The following PTPRN2 variants were observed in gnomAD, a reference collection of about 807,000 sequenced individuals.
PTPRN2 encodes the protein receptor-type tyrosine-protein phosphatase N2.
A neutral mutation model predicts 118.8 loss-of-function variants in PTPRN2; 74 were observed. The observed-to-expected ratio is 0.62, with a 90% CI of 0.52 to 0.76. The LOEUF is 0.76. Among genes scored for constraint, PTPRN2 ranks in the 30% least tolerant of loss-of-function variants. PTPRN2 has a pLI of 0.00. For synonymous variants in PTPRN2, 641 were observed against 608.0 expected, an observed-to-expected ratio of 1.05 and a Z score of -0.80; for missense variants, 1,481 against 1,394.4, an observed-to-expected ratio of 1.06 and a Z score of -0.99.
At chr7:158,008,636 C>A (rs191981741) in intron 11 of PTPRN2, among the ~76,000 whole-genome samples, 445 of 152,360 alleles carry the variant, frequency 2.9e-3, no homozygotes, top group African/African-American at 0.01. Context: ...GCCTGCCCCC[C>A]ACCAGCAGGC....
At chr7:158,234,912 G>A (rs1829429510) in intron 3 of PTPRN2, among the ~76,000 whole-genome samples, 1 of 152,034 alleles carries the variant, frequency 6.6e-6, no homozygotes, top group Admixed American at 6.6e-5. Context: ...ACAGGCACCT[G>A]CCACCACACC....
intron 2 of PTPRN2, among the ~76,000 whole-genome samples, chr7:158,348,951 G>C (rs76667318): frequency 0.031 from 978 of 31,334 alleles, no homozygotes; most frequent in Admixed American, 0.037. Flanking sequence ...CCTGAGGGCA[G>C]TGCTGAGGGT....
chr7:157,712,968 T>C (rs7802459), intron 12 of PTPRN2, among the ~76,000 whole-genome samples: 112,982 of 152,028 alleles, frequency 0.74, 42,242 homozygotes, highest in African/African-American at 0.81. Context: ...TAAACGCCTG[T>C]TGTTTGAAGG....
chr7:157,926,320 T>C (rs933992672), intron 11 of PTPRN2, among the ~76,000 whole-genome samples: 5 of 151,678 alleles, frequency 3.3e-5, no homozygotes, highest in African/African-American at 1.2e-4. Flanking sequence ...ACACTGAGGG[T>C]CCATGCGTCA....
intron 3 of PTPRN2, among the ~76,000 whole-genome samples, chr7:158,225,456 A>G (rs1828690979): frequency 6.6e-6 from 1 of 152,196 alleles, no homozygotes; most frequent in South Asian, 2.1e-4. Flanking sequence ...TGAGGCAAAA[A>G]GCCAATTCAA....
At chr7:158,292,438 T>G (rs1278946851) in intron 3 of PTPRN2, among the ~76,000 whole-genome samples, 1 of 152,216 alleles carries the variant, frequency 6.6e-6, no homozygotes, top group Non-Finnish European at 1.5e-5. Flanking sequence ...GTGGGTTGCA[T>G]CAGAAAAGAA....
rs781756770 is a variant in PTPRN2, at chr7:158,529,713, A to G, written c.113-39928T>C. Among the ~76,000 whole-genome samples, 5 of 152,092 alleles carry G rather than the reference A, an allele frequency of 3.3e-5. No individual in the cohort carries two copies. The highest frequency in any genetic ancestry group is 6.5e-5 in the Admixed American group (1 of 15,272). On this transcript the variant is annotated intron_variant, in intron 1 of 22. Transcript: ENST00000389418. The surrounding 1 kb of genome is among the most constrained non-coding windows in gnomAD (Gnocchi z 4.7). The stretch of plus-strand genomic sequence containing the variant: ...CACCTGGGCTGTGTCCACCAGCCCC[A>G]GGGGCTGTGGGGAGGGGCGGTCACC...
intron 2 of PTPRN2, among the ~76,000 whole-genome samples, chr7:158,354,445 G>A (rs1808234098): frequency 1.3e-5 from 2 of 151,772 alleles, no homozygotes; most frequent in Non-Finnish European, 2.9e-5. Context: ...AAGGAAACTC[G>A]GTGATCCCCA....
At chr7:158,371,505 C>T (rs1337061491) in intron 2 of PTPRN2, among the ~76,000 whole-genome samples, 3 of 151,942 alleles carry the variant, frequency 2.0e-5, no homozygotes, top group South Asian at 2.1e-4. Flanking sequence ...AAAACCAAAA[C>T]GAGGAGGCAT....
chr7:158,112,456 G>A (rs559376278), intron 9 of PTPRN2, among the ~76,000 whole-genome samples: 129 of 152,322 alleles, frequency 8.5e-4, no homozygotes, highest in Non-Finnish European at 1.6e-3. Flanking sequence ...AGTGCAGGAG[G>A]CCGTCAGCTG....
In PTPRN2 at chr7:157,622,344, G is replaced by A. The variant is rs530060338; in HGVS notation, c.2197-835C>T. Among the ~76,000 whole-genome samples, 87 of 152,256 alleles carry A rather than the reference G, an allele frequency of 5.7e-4. No individual in the cohort carries two copies. The highest frequency in any genetic ancestry group is 2.0e-3 in the African/African-American group (82 of 41,554). ...CCACACGAGAAAATAAAGCATGCATGTGTACACATGGTCCTTTGCTGCAAA... is the reference window on the plus strand; with the variant it reads ...CCACACGAGAAAATAAAGCATGCATATGTACACATGGTCCTTTGCTGCAAA... On this transcript the variant is annotated intron_variant, in intron 14 of 22. Transcript: ENST00000389418. This position sits in a 1 kb window ranked among gnomAD's most constrained non-coding sequence, Gnocchi z 5.3.
At chr7:157,721,216 C>G (rs911432865) in intron 12 of PTPRN2, among the ~76,000 whole-genome samples, 2 of 152,162 alleles carry the variant, frequency 1.3e-5, no homozygotes, top group Non-Finnish European at 2.9e-5. Flanking sequence ...ACAACGGGCA[C>G]GGTGTAGGCC....
At chr7:157,958,643 A>C (rs1801333723) in intron 11 of PTPRN2, among the ~76,000 whole-genome samples, 1 of 152,224 alleles carries the variant, frequency 6.6e-6, no homozygotes, top group Non-Finnish European at 1.5e-5. Context: ...GACATTTAAA[A>C]AGCAATTCCA....
chr7:158,159,954 T>A (rs142813953), intron 6 of PTPRN2, among the ~76,000 whole-genome samples: 1 of 152,230 alleles, frequency 6.6e-6, no homozygotes, highest in Non-Finnish European at 1.5e-5. Flanking sequence ...AATATCTGAA[T>A]ATCAAAATCT....
chr7:157,905,118 G>A (rs993429738), intron 11 of PTPRN2, among the ~76,000 whole-genome samples: 27 of 152,174 alleles, frequency 1.8e-4, no homozygotes, highest in African/African-American at 3.6e-4. Flanking sequence ...CCGTCCTCTC[G>A]CGGGACTTTT....
chr7:157,762,511 G>T (rs929891902), intron 12 of PTPRN2, among the ~76,000 whole-genome samples: 4 of 147,506 alleles, frequency 2.7e-5, no homozygotes, highest in Admixed American at 7.0e-5. Flanking sequence ...ACCGAACACC[G>T]CATATTCTCA....
At chr7:158,514,633 A>G (rs954799985) in intron 1 of PTPRN2, among the ~76,000 whole-genome samples, 2 of 152,240 alleles carry the variant, frequency 1.3e-5, no homozygotes, top group Non-Finnish European at 2.9e-5. Context: ...GGGTGCGTCA[A>G]AGAGAAACAA....
At position 157,879,660 on chromosome 7, in the gene PTPRN2, A is replaced by G. The variant is rs143909273; in HGVS notation, c.1788+19013T>C. Among the ~76,000 whole-genome samples the G allele has an allele frequency of 8.3e-3, 1,261 of 152,148 alleles. 18 individuals are homozygous for G. Among genetic ancestry groups the G allele is most frequent in the African/African-American group, 0.029 (1,203 of 41,506 alleles). On this transcript the variant is annotated intron_variant, in intron 12 of 22. Transcript: ENST00000389418. ...CATTAAACTCTGAGGATGCTGAACC[A>G]AGAGAGACAGTGTGAACCCCAGCAT...
At chr7:158,318,698 G>A (rs1024775857) in intron 2 of PTPRN2, among the ~76,000 whole-genome samples, 1 of 152,262 alleles carries the variant, frequency 6.6e-6, no homozygotes, top group Non-Finnish European at 1.5e-5. Flanking sequence ...GAGCAGTGAC[G>A]GTGCCGGCTG....
Sources: gnomAD v4.1 joint callset for allele counts (sites outside exome capture counted in the v4.1 genomes callset) on GRCh38, gnomAD v4.1.1 for gene constraint, Gnocchi (gnomAD v3.1) non-coding constraint, MANE v1.5 for transcripts, NCBI Gene and HGNC (gene_info 2026-07-23, HGNC 2026-07-21) for gene names.